The following PCDHGA5 variants were observed in gnomAD, a reference collection of about 807,000 sequenced individuals.
PCDHGA5 encodes protocadherin gamma-A5.
Under a neutral mutation model 56.7 loss-of-function variants are expected in PCDHGA5, and 36 were observed. The ratio of observed to expected loss-of-function variants is 0.64; its 90% CI spans 0.49 to 0.84. PCDHGA5 has a LOEUF of 0.84. PCDHGA5 is among the 40% of genes least tolerant of loss of function. The pLI is 0.00. For synonymous variants in PCDHGA5, 563 were observed against 520.2 expected, an observed-to-expected ratio of 1.08 and a Z score of -1.12; for missense variants, 1,305 against 1,201.5, an observed-to-expected ratio of 1.09 and a Z score of -1.27.
Position 141,383,203 on chromosome 5 carries a change from T to A in PCDHGA5, c.2421+16452T>A, listed in dbSNP as rs755782697. The A allele has an allele frequency of 2.5e-6, 4 of 1,613,936 alleles. No homozygotes were observed. The highest frequency in any genetic ancestry group is 3.3e-5 in the Admixed American group (2 of 60,008). On this transcript the variant is annotated intron_variant, in intron 1 of 3. Coordinates refer to ENST00000518069, the MANE Select transcript of PCDHGA5 (RefSeq NM_018918.3). ...AGAGATCTGCGCTCAGAGTGCGCGGTGTCTGGTAAACTTTAACATCCTGAT... is the reference window on the plus strand; with the variant it reads ...AGAGATCTGCGCTCAGAGTGCGCGGAGTCTGGTAAACTTTAACATCCTGAT...
At chr5:141,433,295 G>A (rs754784548) in intron 1 of PCDHGA5, 22 of 1,044,006 alleles carry the variant, frequency 2.1e-5, no homozygotes, top group Non-Finnish European at 2.9e-5. Flanking sequence ...CTAGGCTCAA[G>A]CAATTATCCC....
rs779735897 is a variant in PCDHGA5 at position 141,422,336 on chromosome 5, TA to T, written c.2421+55588del. 34 of 1,550,032 alleles carry T rather than the reference TA, an allele frequency of 2.2e-5. No individual in the cohort carries two copies. The East Asian group carries it at 7.2e-4, about 33-fold the overall frequency. On this transcript the variant is annotated intron_variant, in intron 1 of 3. Coordinates refer to ENST00000518069, the MANE Select transcript of PCDHGA5 (RefSeq NM_018918.3). ...CCTCCAGGTACAGTGATTGCTCTTC[TA>T]AATGTGCAAGATCAAGATTCTGGAG... is the stretch of plus-strand genomic sequence containing the variant.
intron 1 of PCDHGA5, chr5:141,433,257 G>T: frequency 7.2e-7 from 1 of 1,385,416 alleles, no homozygotes; most frequent in Non-Finnish European, 9.9e-7. Context: ...GCAGCGGTAC[G>T]ATCATAGCTC....
rs2099389707 is a variant in PCDHGA5, at chr5:141,476,358, G to A, written c.2422-18449G>A. On this transcript the variant is annotated intron_variant, in intron 1 of 3. Transcript: ENST00000518069. This position sits in a 1 kb window ranked among gnomAD's most constrained non-coding sequence, Gnocchi z 7.6. ...AGCCGAAGATTCTTTGAGGTGAACC[G>A]GGAGACCGGAGAGATGTTTGTGAAC... 6.2e-7 allele frequency: 1 copy of A among 1,614,134 alleles called. No individual in the cohort carries two copies. The highest frequency in any genetic ancestry group is 8.5e-7 in the Non-Finnish European group (1 of 1,180,022).
chr5:141,367,006 C>A (rs1157671027), intron 1 of PCDHGA5: 2 of 429,920 alleles, frequency 4.7e-6, no homozygotes, highest in Non-Finnish European at 4.0e-6. Flanking sequence ...ATCATTTTAC[C>A]CAAATATTTT....
intron 1 of PCDHGA5, chr5:141,388,461 G>C (rs1423485997): frequency 6.2e-7 from 1 of 1,613,762 alleles, no homozygotes; most frequent in Admixed American, 1.7e-5. Context: ...TAAATACCCT[G>C]AGATGGTATT....
At chr5:141,423,123 A>C in intron 1 of PCDHGA5, 1 of 1,613,760 alleles carries the variant, frequency 6.2e-7, no homozygotes. Flanking sequence ...CAGCGCGGGC[A>C]CTGCTGGACA....
At position 141,404,686 on chromosome 5, in the gene PCDHGA5, A is replaced by G. The variant is rs1281158377; in HGVS notation, c.2421+37935A>G. On this transcript the variant is annotated intron_variant, in intron 1 of 3. Transcript: ENST00000518069. ...ATGGTTCTACTGGTGTGGAGCTGGC[A>G]CCCCGCTCTGCAGAGCCTGGCTACC... 4 of 1,613,710 alleles carry G rather than the reference A, an allele frequency of 2.5e-6. No individual in the cohort carries two copies. In the African/African-American group the frequency reaches 5.3e-5, roughly 22 times the overall value.
intron 1 of PCDHGA5, among the ~76,000 whole-genome samples, chr5:141,386,184 C>T (rs1402266173): frequency 6.6e-6 from 1 of 152,164 alleles, no homozygotes; most frequent in Non-Finnish European, 1.5e-5. Context: ...ATCTTATGTA[C>T]ACAGATCCTA....
intron 1 of PCDHGA5, among the ~76,000 whole-genome samples, chr5:141,445,415 C>A (rs1235584061): frequency 6.6e-6 from 1 of 152,140 alleles, no homozygotes; most frequent in Non-Finnish European, 1.5e-5. Context: ...TAACTGTCTG[C>A]TATATGCAAG....
chr5:141,388,356 C>T (rs756910714), intron 1 of PCDHGA5: 1 of 1,613,826 alleles, frequency 6.2e-7, no homozygotes. Flanking sequence ...AGGATCTGCC[C>T]ATGATGCGGA....
At chr5:141,483,745 T>C (rs1288301129) in intron 1 of PCDHGA5, among the ~76,000 whole-genome samples, 1 of 152,130 alleles carries the variant, frequency 6.6e-6, no homozygotes, top group Non-Finnish European at 1.5e-5. Flanking sequence ...AGGATATTCC[T>C]GAGGATCGAG....
chr5:141,374,125 C>A, intron 1 of PCDHGA5: 1 of 1,602,448 alleles, frequency 6.2e-7, no homozygotes, highest in East Asian at 2.2e-5. Flanking sequence ...GCGAGCAGGT[C>A]CTGCTCCTCA....
At position 141,485,229 on chromosome 5, in the gene PCDHGA5, TC is replaced by T; in HGVS notation, c.2422-9576del. On this transcript the variant is annotated intron_variant, in intron 1 of 3. Transcript: ENST00000518069. The surrounding 1 kb of genome is among the most constrained non-coding windows in gnomAD (Gnocchi z 5.7). ...ATCTGGCGGTGGGCTACCCTTTTGT[TC>T]CTCTTTTACCACCTGGGTTACGTTT... 6.2e-7 allele frequency: 1 copy of T among 1,614,160 alleles called. No homozygotes were observed. The highest frequency in any genetic ancestry group is 8.5e-7 in the Non-Finnish European group (1 of 1,180,022).
intron 1 of PCDHGA5, chr5:141,371,738 C>G (rs765693064): frequency 6.2e-7 from 1 of 1,614,052 alleles, no homozygotes. Flanking sequence ...TCAACGACAA[C>G]GTTCCCGTTT....
chr5:141,395,797 A>G (rs56946131), intron 1 of PCDHGA5: 16,957 of 151,702 alleles, frequency 0.11, 1,119 homozygotes, highest in African/African-American at 0.18. Flanking sequence ...ACTTCTTACC[A>G]TCCTTCAAAA....
chr5:141,408,559 C>T (rs1490844526), intron 1 of PCDHGA5: 3 of 1,614,000 alleles, frequency 1.9e-6, no homozygotes, highest in Non-Finnish European at 2.5e-6. Flanking sequence ...TTTTTCATGT[C>T]ATTGTGGTGA....
intron 2 of PCDHGA5, among the ~76,000 whole-genome samples, chr5:141,503,688 T>A (rs2099828724): frequency 6.6e-6 from 1 of 152,042 alleles, no homozygotes; most frequent in African/African-American, 2.4e-5. Context: ...GGAAGGAGAA[T>A]TGAGATTCCT....
At chr5:141,505,804 G>A (rs554534524) in intron 3 of PCDHGA5, among the ~76,000 whole-genome samples, 13 of 152,240 alleles carry the variant, frequency 8.5e-5, no homozygotes, top group Admixed American at 3.3e-4. Context: ...GACTTGGATC[G>A]ACTTGCTCAA....
Sources: gnomAD v4.1 joint callset for allele counts (sites outside exome capture counted in the v4.1 genomes callset) on GRCh38, gnomAD v4.1.1 for gene constraint, Gnocchi (gnomAD v3.1) non-coding constraint, MANE v1.5 for transcripts, NCBI Gene and HGNC (gene_info 2026-07-23, HGNC 2026-07-21) for gene names.